Variants in TENM1 observed in about 807,000 individuals in gnomAD.
TENM1 encodes teneurin transmembrane protein 1.
TENM1 carries 35 observed loss-of-function variants against 174.8 expected under a neutral mutation model. The observed-to-expected ratio is 0.20, with a 90% CI of 0.15 to 0.27. The LOEUF (loss-of-function observed/expected upper bound fraction) is 0.27, where lower values mean the gene tolerates loss of function less well. TENM1 is among the 10% of genes least tolerant of loss of function. The pLI, the probability that TENM1 is intolerant of heterozygous loss-of-function variation, is 1.00. For missense variants in TENM1, 1,633 were observed against 2,130.1 expected (o/e 0.77, Z 4.59); for synonymous variants, 781 against 798.7 (o/e 0.98, Z 0.37).
At chrX:125,070,010 G>A in the TENM1 span, among the ~76,000 whole-genome samples, 1 of 109,699 alleles carries the variant, frequency 9.1e-6, no homozygotes, top group African/African-American at 3.3e-5. Context: ...GTGACATAGT[G>A]ACATCCTGTC....
intron 3 of TENM1, among the ~76,000 whole-genome samples, chrX:124,890,804 T>C (rs1413772520): frequency 1.8e-5 from 2 of 111,011 alleles, no homozygotes; most frequent in Non-Finnish European, 3.8e-5. Flanking sequence ...AGAACTACCA[T>C]ATGCTCTAGC....
chrX:125,186,398 G>A, the TENM1 span, among the ~76,000 whole-genome samples: 2 of 110,747 alleles, frequency 1.8e-5, no homozygotes, highest in Non-Finnish European at 3.8e-5. Context: ...CTCCACTATG[G>A]TTTGGATATG....
At chrX:124,503,841 A>G in intron 18 of TENM1, 138 bp from the exon 22 acceptor site, 2 of 561,711 alleles carry the variant, frequency 3.6e-6, no homozygotes, top group South Asian at 6.8e-5. Context: ...AATTTCTTTC[A>G]CCTAGCACAG....
chrX:125,171,958 G>A, the TENM1 span, among the ~76,000 whole-genome samples: 1 of 111,319 alleles, frequency 9.0e-6, no homozygotes, highest in African/African-American at 3.3e-5. Context: ...GAATATAACA[G>A]ATTCCATGAA....
chrX:125,194,346 A>T, the TENM1 span, among the ~76,000 whole-genome samples: 2 of 109,874 alleles, frequency 1.8e-5, no homozygotes, highest in African/African-American at 3.3e-5. Flanking sequence ...AAATTTGTCC[A>T]CTCCTCTCCA....
chrX:125,048,132 C>G, the TENM1 span, among the ~76,000 whole-genome samples: 1 of 111,369 alleles, frequency 9.0e-6, no homozygotes, highest in East Asian at 2.8e-4. Context: ...CTTGAGTAGA[C>G]TCAGCTTCTC....
chrX:125,159,895 G>C, the TENM1 span, among the ~76,000 whole-genome samples: 2 of 111,769 alleles, frequency 1.8e-5, no homozygotes, highest in African/African-American at 6.5e-5. Context: ...GTAGGAAACA[G>C]TTCAGTCAAA....
At chrX:124,796,414 T>C (rs1465357640) in intron 3 of TENM1, among the ~76,000 whole-genome samples, 1 of 111,874 alleles carries the variant, frequency 8.9e-6, no homozygotes, top group Non-Finnish European at 1.9e-5. Flanking sequence ...ATGCACTACA[T>C]TGCTTTTCCA....
intron 6 of TENM1, among the ~76,000 whole-genome samples, chrX:124,664,323 G>A (rs1043393503): frequency 3.6e-5 from 4 of 110,717 alleles, no homozygotes; most frequent in Admixed American, 2.9e-4. Flanking sequence ...GCAGGACTGC[G>A]TTCCATCTGA....
chrX:124,849,150 A>G (rs1470935263), intron 3 of TENM1, among the ~76,000 whole-genome samples: 1 of 111,396 alleles, frequency 9.0e-6, no homozygotes, highest in Non-Finnish European at 1.9e-5. Context: ...AACTATTATC[A>G]AGGGATACTA....
At chrX:124,895,472 T>A (rs1192372997) in intron 2 of TENM1, among the ~76,000 whole-genome samples, 2 of 112,087 alleles carry the variant, frequency 1.8e-5, no homozygotes, top group African/African-American at 6.5e-5. Flanking sequence ...ATGGATGATG[T>A]TCATTCACCT....
intron 22 of TENM1, among the ~76,000 whole-genome samples, chrX:124,477,364 A>C (rs1290935590): frequency 8.9e-6 from 1 of 112,472 alleles, no homozygotes; most frequent in Non-Finnish European, 1.9e-5. Flanking sequence ...CTAGACTAAA[A>C]GTTATTTATC....
intron 4 of TENM1, among the ~76,000 whole-genome samples, chrX:124,724,872 G>A (rs889247467): frequency 9.0e-6 from 1 of 111,577 alleles, no homozygotes; most frequent in African/African-American, 3.3e-5. Context: ...AGGGTGATTA[G>A]GCCATGAGGG....
intron 3 of TENM1, among the ~76,000 whole-genome samples, chrX:124,828,948 T>C (rs1466236376): frequency 1.8e-5 from 2 of 112,283 alleles, no homozygotes; most frequent in African/African-American, 3.2e-5. Context: ...AGGACTTGAA[T>C]TAATAACAAG....
At chrX:125,096,828 C>T in the TENM1 span, among the ~76,000 whole-genome samples, 3 of 109,536 alleles carry the variant, frequency 2.7e-5, no homozygotes. Context: ...ACACCTGGAC[C>T]AGAGTTTCTG....
At chrX:124,934,859 A>C (rs1038250282) in intron 1 of TENM1, among the ~76,000 whole-genome samples, 1 of 111,549 alleles carries the variant, frequency 9.0e-6, no homozygotes, top group African/African-American at 3.3e-5. Context: ...TTGAAAGATT[A>C]TATTTTAAAT....
At chrX:124,540,973 C>T (rs1222304778) in intron 15 of TENM1, among the ~76,000 whole-genome samples, 2 of 112,028 alleles carry the variant, frequency 1.8e-5, no homozygotes, top group Non-Finnish European at 3.8e-5. Context: ...TACACAAAAT[C>T]ATAAATGATG....
chrX:124,392,462 T>A (rs1268449520), intron 27 of TENM1, 114 bp from the exon 31 acceptor site: 10 of 607,284 alleles, frequency 1.6e-5, no homozygotes, highest in Non-Finnish European at 2.6e-5. Flanking sequence ...GTCTTGCCTC[T>A]GAAGCCTCAC....
the TENM1 span, among the ~76,000 whole-genome samples, chrX:125,080,591 G>A: frequency 4.4e-4 from 49 of 111,070 alleles, no homozygotes; most frequent in African/African-American, 1.6e-3. Context: ...TTAGCTAAAG[G>A]TGGTAAATAT....
Sources: gnomAD v4.1 joint callset for allele counts (sites outside exome capture counted in the v4.1 genomes callset) on GRCh38, gnomAD v4.1.1 for gene constraint, MANE v1.5 for transcripts, NCBI Gene and HGNC (gene_info 2026-07-23, HGNC 2026-07-21) for gene names.